DNM3: variants seen among roughly 807,000 people sequenced by gnomAD.
DNM3 encodes the protein dynamin-3.
Under a neutral mutation model 101.6 loss-of-function variants are expected in DNM3, and 47 were observed. The ratio of observed to expected loss-of-function variants is 0.46; its 90% CI spans 0.37 to 0.59. The LOEUF is 0.59. DNM3 is among the 20% of genes least tolerant of loss of function. The probability of loss-of-function intolerance (pLI) is 0.00; values close to 1 mark genes in which losing one functional copy is unlikely to be tolerated. For synonymous variants in DNM3, 385 were observed against 387.9 expected, an observed-to-expected ratio of 0.99 and a Z score of 0.09; for missense variants, 849 against 1,085.7, an observed-to-expected ratio of 0.78 and a Z score of 3.06.
intron 14 of DNM3, among the ~76,000 whole-genome samples, chr1:172,141,103 A>G (rs2057553186): frequency 1.3e-5 from 2 of 152,054 alleles, no homozygotes; most frequent in African/African-American, 4.8e-5. Flanking sequence ...GTGAAATTAA[A>G]CCAAAGCAAC....
chr1:172,281,701 C>T (rs1361187540), intron 15 of DNM3, among the ~76,000 whole-genome samples: 1 of 151,882 alleles, frequency 6.6e-6, no homozygotes, highest in African/African-American at 2.4e-5. Context: ...GGTTTGCAGA[C>T]CCCACTCCAT....
intron 14 of DNM3, among the ~76,000 whole-genome samples, chr1:172,198,763 C>T (rs1199169031): frequency 3.3e-5 from 5 of 151,646 alleles, no homozygotes; most frequent in African/African-American, 4.9e-5. Context: ...GTAACATTCC[C>T]TTTAGCATTT....
chr1:172,212,309 G>C (rs539743242), intron 14 of DNM3, among the ~76,000 whole-genome samples: 1 of 152,224 alleles, frequency 6.6e-6, no homozygotes, highest in South Asian at 2.1e-4. Flanking sequence ...ACCTCAGCTA[G>C]ACACTGAGGC....
chr1:172,215,197 T>C (rs2060648888), intron 14 of DNM3, among the ~76,000 whole-genome samples: 2 of 152,126 alleles, frequency 1.3e-5, no homozygotes, highest in Admixed American at 6.6e-5. Flanking sequence ...TCCAAGCTGA[T>C]TGGGCAGAGA....
At chr1:172,104,173 T>C (rs994647155) in intron 13 of DNM3, among the ~76,000 whole-genome samples, 2 of 152,244 alleles carry the variant, frequency 1.3e-5, no homozygotes, top group Non-Finnish European at 1.5e-5. Context: ...GTATTATATA[T>C]AGTACAAATA....
chr1:172,093,695 G>A (rs1172506310), intron 13 of DNM3: 1 of 1,605,394 alleles, frequency 6.2e-7, no homozygotes, highest in Non-Finnish European at 8.5e-7. Context: ...TGCTATTTCA[G>A]GGAACCAATC....
intron 17 of DNM3, among the ~76,000 whole-genome samples, chr1:172,337,742 A>G (rs1473263747): frequency 6.6e-6 from 1 of 152,160 alleles, no homozygotes; most frequent in Non-Finnish European, 1.5e-5. Flanking sequence ...TCTGCCTTGC[A>G]TCAGACATAG....
chr1:172,181,407 C>T (rs953839032), intron 14 of DNM3, among the ~76,000 whole-genome samples: 13 of 135,428 alleles, frequency 9.6e-5, no homozygotes, highest in African/African-American at 4.3e-4. Flanking sequence ...CACACACACA[C>T]ACACACATAT....
chr1:172,194,892 G>T (rs965312573), intron 14 of DNM3, among the ~76,000 whole-genome samples: 2 of 152,014 alleles, frequency 1.3e-5, no homozygotes, highest in Non-Finnish European at 2.9e-5. Flanking sequence ...GTGTGAATTT[G>T]ATCCTGTCAT....
At position 172,411,564 on chromosome 1, in the gene DNM3, A is replaced by G; in HGVS notation, c.*3723A>G. 1.0e-6 allele frequency: 1 copy of G among 984,528 alleles called. No individual in the cohort carries two copies. The highest frequency in any genetic ancestry group is 1.7e-5 in the African/African-American group (1 of 57,304). The allele number at this position is 984,528 out of a possible 1,614,324, so 61.0% of individuals were successfully genotyped here. On this transcript the variant is annotated 3_prime_UTR_variant, in exon 21 of 21. Transcript: ENST00000627582. ...AAAAAAAAAAAAAAAGGACATAGCA[A>G]CATTAAAGTAGTGGATTTTTCTGAG...
chr1:172,361,855 C>T (rs924317879), intron 17 of DNM3, among the ~76,000 whole-genome samples: 1 of 151,974 alleles, frequency 6.6e-6, no homozygotes, highest in Non-Finnish European at 1.5e-5. Context: ...GTCCTTCCAA[C>T]CGTGAACGCT....
chr1:172,172,432 A>C (rs1223190564), intron 14 of DNM3, among the ~76,000 whole-genome samples: 1 of 151,672 alleles, frequency 6.6e-6, no homozygotes, highest in African/African-American at 2.4e-5. Context: ...CGTCGGACAG[A>C]GGGATGATTC....
intron 15 of DNM3, among the ~76,000 whole-genome samples, chr1:172,285,900 C>T (rs1424781642): frequency 2.0e-5 from 3 of 152,064 alleles, no homozygotes; most frequent in African/African-American, 7.2e-5. Context: ...ATCTAACTCC[C>T]TCTGGGTGTT....
intron 12 of DNM3, among the ~76,000 whole-genome samples, chr1:172,092,432 G>A (rs1364016915): frequency 2.0e-5 from 3 of 152,010 alleles, no homozygotes; most frequent in Non-Finnish European, 2.9e-5. Context: ...TGCTTCATGG[G>A]GTTGCTGTGA....
intron 15 of DNM3, among the ~76,000 whole-genome samples, chr1:172,275,446 A>G (rs932900867): frequency 6.6e-6 from 1 of 152,034 alleles, no homozygotes; most frequent in Non-Finnish European, 1.5e-5. Context: ...GCTTCTTTAT[A>G]GTGCCTTCTT....
chr1:172,088,021 G>A (rs1242209312), intron 12 of DNM3, among the ~76,000 whole-genome samples: 2 of 152,128 alleles, frequency 1.3e-5, no homozygotes, highest in Non-Finnish European at 2.9e-5. Flanking sequence ...AGGTTTCCTA[G>A]TACAGATGAT....
chr1:172,197,815 A>G (rs2060008720), intron 14 of DNM3, among the ~76,000 whole-genome samples: 1 of 151,656 alleles, frequency 6.6e-6, no homozygotes, highest in Admixed American at 6.6e-5. Context: ...TTGGGCTGAG[A>G]CTCTGTGGTT....
intron 4 of DNM3, among the ~76,000 whole-genome samples, chr1:171,996,707 G>A (rs1484992790): frequency 6.6e-6 from 1 of 151,950 alleles, no homozygotes; most frequent in African/African-American, 2.4e-5. Context: ...TCAAAAGTTT[G>A]CTATAATAAT....
intron 13 of DNM3, among the ~76,000 whole-genome samples, chr1:172,104,948 T>C (rs1236788302): frequency 1.3e-5 from 2 of 152,244 alleles, no homozygotes; most frequent in Non-Finnish European, 2.9e-5. Context: ...TTAATATCTC[T>C]GTTTCTCTGT....
Sources: allele counts gnomAD v4.1 joint callset (sites outside exome capture counted in the v4.1 genomes callset), GRCh38; gene constraint gnomAD v4.1.1; transcripts MANE v1.5; gene names NCBI Gene and HGNC (gene_info 2026-07-23, HGNC 2026-07-21).